The following MYORG variants were observed in gnomAD, a reference collection of about 807,000 sequenced individuals.
MYORG encodes myogenesis regulating glycosidase, also known as alpha-galactosidase MYORG.
MYORG carries 45 observed loss-of-function variants against 49.8 expected under a neutral mutation model. That is an observed-to-expected ratio of 0.90 (90% confidence interval 0.71 to 1.16). The LOEUF (loss-of-function observed/expected upper bound fraction) is 1.16. MYORG is among the 50% of genes most tolerant of loss of function. The pLI, the probability that MYORG is intolerant of heterozygous loss-of-function variation, is 0.00. For synonymous variants in MYORG, 552 were observed against 462.9 expected, an observed-to-expected ratio of 1.19 and a Z score of -2.47; for missense variants, 1,110 against 1,026.5, an observed-to-expected ratio of 1.08 and a Z score of -1.11.
chr9:34,370,730 G>C lies in MYORG; in HGVS notation c.*69C>G. On this transcript the variant is annotated 3_prime_UTR_variant, in exon 2 of 2. Coordinates refer to ENST00000297625, the MANE Select transcript of MYORG (RefSeq NM_020702.5). ...GGAGGTTCCTGGGAGTACATGGTGCGGGTGTGACGGAGGGTTCAAGGTCTG... is the reference window on the plus strand; with the variant it reads ...GGAGGTTCCTGGGAGTACATGGTGCCGGTGTGACGGAGGGTTCAAGGTCTG... 6.8e-7 allele frequency: 1 copy of C among 1,477,736 alleles called. No individual in the cohort carries two copies. 91.5% of individuals were successfully genotyped at this position (1,477,736 alleles called of 1,614,324 possible).
At position 34,371,828 on chromosome 9, in the gene MYORG, G is replaced by T. The variant is rs773122688; in HGVS notation, c.1116C>A (p.Asn372Lys). Residue 372 changes from asparagine (N) to lysine (K), a missense_variant, in exon 2 of 2, where the codon AAC becomes AAA. By Grantham distance (94) the Asn-to-Lys change is moderately conservative. Coordinates refer to ENST00000297625, the MANE Select transcript of MYORG (RefSeq NM_020702.5). ...DFDFDEVKFPNASDMFRRLRD... is the reference protein window; with the variant it reads ...DFDFDEVKFPKASDMFRRLRD... ...GCAGGCGGCGGAACATGTCGCTGGC[G>T]TTGGGGAATTTGACCTCATCGAAGT... is the stretch of plus-strand genomic sequence containing the variant. The T allele has an allele frequency of 6.2e-7, 1 of 1,614,074 alleles. No homozygotes were observed.
intron 1 of MYORG, among the ~76,000 whole-genome samples, chr9:34,373,449 G>C (rs1371726484): frequency 1.3e-5 from 2 of 152,124 alleles, no homozygotes; most frequent in Admixed American, 6.5e-5. Context: ...TGTCCAGCCA[G>C]CTCCTTGAGA....
Position 34,371,066 on chromosome 9 carries a change from G to C in MYORG, c.1878C>G (p.Val626=), listed in dbSNP as rs1436535957. 1.9e-6 allele frequency: 3 copies of C among 1,610,154 alleles called. No homozygotes were observed. The highest frequency in any genetic ancestry group is 2.5e-6 in the Non-Finnish European group (3 of 1,178,482). The change falls in exon 2 of 2, where the codon GTC becomes GTG. Residue 626 remains valine, a synonymous_variant. Transcript: ENST00000297625. ...GCACGATAGGGTCACCCGTGTCGGT[G>C]ACCTCGCCCGCCAGCTCAAGCAACA... The part of the protein sequence containing the change: ...APLLLELAGE[V]TDTGDPIVRP...
At position 34,371,384 on chromosome 9, in the gene MYORG, A is replaced by C; in HGVS notation, c.1560T>G (p.Asp520Glu). The C allele has an allele frequency of 6.2e-7, 1 of 1,613,278 alleles. No homozygotes were observed. Among genetic ancestry groups the C allele is most frequent in the Non-Finnish European group, 8.5e-7 (1 of 1,179,782 alleles). ...QNISCFFRLV[D>E]RDSVWGYDLG... ...GGTCGTAGCCCCACACAGAGTCGCG[A>C]TCCACCAGGCGGAAGAAGCAGGAGA... Residue 520 changes from aspartate to glutamate, a missense_variant, in exon 2 of 2, where the codon GAT becomes GAG. Asp to Glu is a conservative substitution (Grantham distance 45, BLOSUM62 2). Coordinates refer to ENST00000297625, the MANE Select transcript of MYORG (RefSeq NM_020702.5).
chr9:34,375,697 T>C (rs1002664772), intron 1 of MYORG, among the ~76,000 whole-genome samples: 14 of 152,214 alleles, frequency 9.2e-5, no homozygotes, highest in Admixed American at 9.2e-4. Flanking sequence ...TCATGAGCCC[T>C]GGAGGCAGGA....
At chr9:34,374,703 GCAA>G (rs1255560228) in intron 1 of MYORG, among the ~76,000 whole-genome samples, 1 of 150,826 alleles carries the variant, frequency 6.6e-6, no homozygotes, top group Non-Finnish European at 1.5e-5. Flanking sequence ...ACCAGCCTGG[GCAA>G]CATGTTGAAA....
rs1317437452 is a variant in MYORG at position 34,369,044 on chromosome 9, CT to C, written c.*1754del. 6.6e-6 allele frequency: 1 copy of C among 152,212 alleles called. No individual in the cohort carries two copies. Among genetic ancestry groups the C allele is most frequent in the Non-Finnish European group, 1.5e-5 (1 of 68,036 alleles). The allele number at this position is 152,212 out of a possible 1,614,324, so 9.4% of individuals were successfully genotyped here. On this transcript the variant is annotated 3_prime_UTR_variant, in exon 2 of 2. Transcript: ENST00000297625. ...GAGAACTAAGCAAAAGGGGAAACCT[CT>C]TATAAAATCATCAGCTCTCATGAGA...
In MYORG at chr9:34,371,453, G is replaced by A; in HGVS notation, c.1491C>T (p.Phe497=). The part of the protein sequence containing the change: ...SRRYTEMALP[F]FSLAEVRVGY... ...CTACGCGCACCTCCGCCAGCGAGAA[G>A]AAGGGCAGCGCCATCTCAGTGTAGC... Residue 497 remains phenylalanine (F), a synonymous_variant, in exon 2 of 2, where the codon TTC becomes TTT. Coordinates refer to ENST00000297625, the MANE Select transcript of MYORG (RefSeq NM_020702.5). The A allele has an allele frequency of 6.2e-7, 1 of 1,612,946 alleles. No individual in the cohort carries two copies. Among genetic ancestry groups the A allele is most frequent in the Non-Finnish European group, 8.5e-7 (1 of 1,179,806 alleles).
In MYORG at chr9:34,372,920, C is replaced by T. The variant is rs995815782; in HGVS notation, c.24G>A (p.Lys8=). 8 of 1,613,688 alleles carry T rather than the reference C, an allele frequency of 5.0e-6. No individual in the cohort carries two copies. Among genetic ancestry groups the T allele is most frequent in the Admixed American group, 3.3e-5 (2 of 59,994 alleles). ...GGCGGCGGCGGGGGTAGGCCTGGCT[C>T]TTCTCCTGAGGGTTCTGGAGCATTA... The part of the protein sequence containing the change: MLQNPQE[K]SQAYPRRRRP... Residue 8 remains lysine (K), a synonymous_variant, in exon 2 of 2, where the codon AAG becomes AAA. Transcript: ENST00000297625.
Position 34,372,365 on chromosome 9 carries a change from C to T in MYORG, c.579G>A (p.Thr193=), listed in dbSNP as rs1403086984. 6.3e-7 allele frequency: 1 copy of T among 1,594,618 alleles called. No individual in the cohort carries two copies. The highest frequency in any genetic ancestry group is 8.5e-7 in the Non-Finnish European group (1 of 1,172,028). ...CATCCAGGCGGATGGGCCAGTGTTG[C>T]GTCCTCATCTCGGCGCCACCATACC... ...AHWYGGAEMR[T]QHWPIRLDGQ... is the part of the protein sequence containing the mutation. The change falls in exon 2 of 2, where the codon ACG becomes ACA. Residue 193 remains threonine (T), a synonymous_variant. Transcript: ENST00000297625.
At position 34,372,720 on chromosome 9, in the gene MYORG, C is replaced by A; in HGVS notation, c.224G>T (p.Trp75Leu). 1 of 1,613,108 alleles carries A rather than the reference C, an allele frequency of 6.2e-7. No homozygotes were observed. The highest frequency in any genetic ancestry group is 1.1e-5 in the South Asian group (1 of 91,020). Reference sequence around the variant, plus strand: ...GCGTAGGGAGACGCTGTAGTAGCACCAGGCCACCACCGCGGCCAGCACAAG... The same window carrying A: ...GCGTAGGGAGACGCTGTAGTAGCACAAGGCCACCACCGCGGCCAGCACAAG... ...LLLVLAAVVA[W>L]CYYSVSLRKA... is the part of the protein sequence containing the mutation. The change falls in exon 2 of 2, where the codon TGG (tryptophan) becomes TTG (leucine). Residue 75 changes from tryptophan (W) to leucine (L), a missense_variant. Transcript: ENST00000297625.
At position 34,370,146 on chromosome 9, in the gene MYORG, G is replaced by C. The variant is rs1470015391; in HGVS notation, c.*653C>G. 2 of 152,776 alleles carry C rather than the reference G, an allele frequency of 1.3e-5. No individual in the cohort carries two copies. Among genetic ancestry groups the C allele is most frequent in the Admixed American group, 6.5e-5 (1 of 15,288 alleles). The allele number at this position is 152,776 out of a possible 1,614,324, so 9.5% of individuals were successfully genotyped here. On this transcript the variant is annotated 3_prime_UTR_variant, in exon 2 of 2. Coordinates refer to ENST00000297625, the MANE Select transcript of MYORG (RefSeq NM_020702.5). Reference sequence around the variant, plus strand: ...CCCATGTATGTACACAAATGGGTTAGTGCAGTGTTAGGAGTCTCTTCACAA... The same window carrying C: ...CCCATGTATGTACACAAATGGGTTACTGCAGTGTTAGGAGTCTCTTCACAA...
chr9:34,375,244 T>C (rs1044565569), intron 1 of MYORG, among the ~76,000 whole-genome samples: 8 of 152,176 alleles, frequency 5.3e-5, no homozygotes, highest in African/African-American at 1.9e-4. Context: ...ATGCAAGGTG[T>C]GGAGCAGAAT....
At chr9:34,375,930 G>A (rs1173782934) in intron 1 of MYORG, among the ~76,000 whole-genome samples, 1 of 152,230 alleles carries the variant, frequency 6.6e-6, no homozygotes, top group Admixed American at 6.5e-5. Flanking sequence ...TACAGGTGAG[G>A]AAACGTGGCC....
chr9:34,371,007 G>A lies in MYORG; in HGVS notation c.1937C>T (p.Thr646Ile). 1.2e-6 allele frequency: 2 copies of A among 1,613,366 alleles called. No homozygotes were observed. The highest frequency in any genetic ancestry group is 1.6e-4 in the Middle Eastern group (1 of 6,062). Residue 646 changes from threonine to isoleucine, a missense_variant, in exon 2 of 2, where the codon ACA becomes ATA. Coordinates refer to ENST00000297625, the MANE Select transcript of MYORG (RefSeq NM_020702.5). Reference protein sequence around the residue: ...PLWWIAPGDETAHRIDSQFLI... With the variant: ...PLWWIAPGDEIAHRIDSQFLI... ...GAACTGCGAGTCGATACGGTGAGCT[G>A]TCTCGTCGCCGGGCGCAATCCACCA...
rs376623594 is a variant in MYORG, at chr9:34,371,190, G to A, written c.1754C>T (p.Pro585Leu). The A allele has an allele frequency of 6.2e-7, 1 of 1,609,986 alleles. No homozygotes were observed. The highest frequency in any genetic ancestry group is 1.3e-5 in the African/African-American group (1 of 74,876). The change falls in exon 2 of 2, where the codon CCG (proline) becomes CTG (leucine). Residue 585 changes from proline (P) to leucine (L), a missense_variant. Physicochemically the swap from Pro to Leu is moderately conservative, Grantham distance 98 (BLOSUM62 -3). Transcript: ENST00000297625. ...IRWLEVAAFM[P>L]AMQFSIPPWR... ...GGGCGGGATAGAGAACTGCATGGCC[G>A]GCATAAAGGCGGCCACTTCCAGCCA...
rs748325051 is a variant in MYORG, at chr9:34,373,242, C to T, written c.-63-236G>A. On this transcript the variant is annotated intron_variant, in intron 1 of 1. Transcript: ENST00000297625. ...TGTGACTGGGGAGCGGCCCATGTGA[C>T]TGGGAGATGGCACCCATCCTCATTT... Among the ~76,000 whole-genome samples the T allele has an allele frequency of 3.9e-5, 6 of 152,256 alleles. No homozygotes were observed. The South Asian group carries it at 8.3e-4, about 21-fold the overall frequency.
At position 34,370,847 on chromosome 9, in the gene MYORG, A is replaced by G. The variant is rs895666132; in HGVS notation, c.2097T>C (p.Asp699=). 3.1e-6 allele frequency: 5 copies of G among 1,601,372 alleles called. No individual in the cohort carries two copies. In the African/African-American group the frequency reaches 6.7e-5, roughly 21 times the overall value. The change falls in exon 2 of 2, where the codon GAT becomes GAC. Residue 699 remains aspartate, a synonymous_variant. Transcript: ENST00000297625. ...CGATCTCATCCAGGTCGACCGGGTA[A>G]TCGGTGAGCAGCACCGGCGTCTTGT... ...LFDKTPVLLT[D]YPVDLDEIAY...
rs933814810 is a variant in MYORG at position 34,372,366 on chromosome 9, GTCC to G, written c.575_577del (p.Arg192del). On this transcript the variant is annotated inframe_deletion, in exon 2 of 2. Coordinates refer to ENST00000297625, the MANE Select transcript of MYORG (RefSeq NM_020702.5). ...ATCCAGGCGGATGGGCCAGTGTTGC[GTCC>G]TCATCTCGGCGCCACCATACCAGTG... 6.3e-7 allele frequency: 1 copy of G among 1,594,396 alleles called. No homozygotes were observed. Among genetic ancestry groups the G allele is most frequent in the Non-Finnish European group, 8.5e-7 (1 of 1,171,946 alleles).
Sources: gnomAD v4.1 joint callset for allele counts (sites outside exome capture counted in the v4.1 genomes callset) on GRCh38, gnomAD v4.1.1 for gene constraint, MANE v1.5 for transcripts, NCBI Gene and HGNC (gene_info 2026-07-23, HGNC 2026-07-21) for gene names.